Variants in ITCH observed in about 807,000 individuals in gnomAD.
ITCH encodes E3 ubiquitin-protein ligase Itchy homolog.
In ITCH, 28 loss-of-function variants were observed where a neutral mutation model predicts 126.8. The observed-to-expected ratio is 0.22, with a 90% CI of 0.16 to 0.30. The LOEUF (loss-of-function observed/expected upper bound fraction) is 0.30. Among genes scored for constraint, ITCH ranks in the 10% least tolerant of loss-of-function variants. The probability of loss-of-function intolerance (pLI) is 1.00; values close to 1 mark genes in which losing one functional copy is unlikely to be tolerated. For missense variants in ITCH, 631 were observed against 1,032.4 expected, an observed-to-expected ratio of 0.61 and a Z score of 5.33; for synonymous variants, 342 against 340.0, an observed-to-expected ratio of 1.01 and a Z score of -0.06.
intron 2 of ITCH, among the ~76,000 whole-genome samples, chr20:34,387,460 G>A (rs747746126): frequency 3.3e-5 from 5 of 152,020 alleles, no homozygotes; most frequent in Non-Finnish European, 5.9e-5. Context: ...GTGAGACCCT[G>A]TCTCTATCTC....
intron 16 of ITCH, among the ~76,000 whole-genome samples, chr20:34,471,756 T>C (rs1024348612): frequency 3.4e-5 from 5 of 147,052 alleles, no homozygotes; most frequent in Non-Finnish European, 7.5e-5. Flanking sequence ...TTGAAATAAA[T>C]GCATAGGTAA....
chr20:34,485,892 T>G (rs1263626833), intron 20 of ITCH, among the ~76,000 whole-genome samples: 1 of 152,238 alleles, frequency 6.6e-6, no homozygotes, highest in Non-Finnish European at 1.5e-5. Flanking sequence ...GGTCTTGCTA[T>G]TTTGCACAGG....
At chr20:34,475,973 T>A in intron 16 of ITCH, 1 of 1,600,528 alleles carries the variant, frequency 6.2e-7, no homozygotes, top group East Asian at 2.2e-5. Flanking sequence ...AGCCACTGTT[T>A]CAGGCACTCG....
chr20:34,494,453 TTTTG>T (rs1460288927), intron 23 of ITCH, among the ~76,000 whole-genome samples: 1 of 152,226 alleles, frequency 6.6e-6, no homozygotes, highest in Non-Finnish European at 1.5e-5. Context: ...ATCTAGTTTA[TTTTG>T]TTTGTTTTAG....
chr20:34,485,679 T>C (rs1989051902), intron 20 of ITCH, among the ~76,000 whole-genome samples: 1 of 151,824 alleles, frequency 6.6e-6, no homozygotes, highest in Non-Finnish European at 1.5e-5. Context: ...TTTCTTACGA[T>C]ACGTCTAGAT....
intron 12 of ITCH, chr20:34,450,818 A>T (rs1354756811): frequency 6.6e-6 from 1 of 152,238 alleles, no homozygotes; most frequent in Non-Finnish European, 1.5e-5. Context: ...TGTCAAGATC[A>T]CATGAGTCTG....
intron 16 of ITCH, among the ~76,000 whole-genome samples, chr20:34,471,947 T>C (rs776171991): frequency 6.6e-6 from 1 of 152,208 alleles, no homozygotes; most frequent in Non-Finnish European, 1.5e-5. Flanking sequence ...ACTTCAGTAT[T>C]ACTTGGATTT....
chr20:34,472,938 A>C (rs756426613), intron 16 of ITCH, among the ~76,000 whole-genome samples: 5 of 152,190 alleles, frequency 3.3e-5, no homozygotes, highest in African/African-American at 1.2e-4. Context: ...TCTTGAAGCA[A>C]CTTGCTTACC....
chr20:34,444,977 A>G (rs562188979), intron 10 of ITCH, among the ~76,000 whole-genome samples: 2 of 152,284 alleles, frequency 1.3e-5, no homozygotes, highest in South Asian at 2.1e-4. Flanking sequence ...CCAAAGCTAT[A>G]TATTTAATTT....
rs575138779 is a variant in ITCH at position 34,421,394 on chromosome 20, C to T, written c.476-3086C>T. On this transcript the variant is annotated intron_variant, in intron 6 of 24. Transcript: ENST00000374864. ...GTGGTGGGAGGGCAGGTCATTTTGACGAGCTTACTGAGTAGAAGAGATCTT... is the reference window on the plus strand; with the variant it reads ...GTGGTGGGAGGGCAGGTCATTTTGATGAGCTTACTGAGTAGAAGAGATCTT... Among the ~76,000 whole-genome samples the T allele has an allele frequency of 3.3e-5, 5 of 152,286 alleles. No individual in the cohort carries two copies. The South Asian group carries it at 8.3e-4, about 25-fold the overall frequency.
chr20:34,363,930 G>A (rs2037303994), intron 1 of ITCH, among the ~76,000 whole-genome samples: 1 of 152,272 alleles, frequency 6.6e-6, no homozygotes, highest in Admixed American at 6.5e-5. Context: ...CGCCCTCCCC[G>A]ACGTCCGCCA....
Position 34,413,776 on chromosome 20 carries a change from T to C in ITCH, c.372T>C (p.Gly124=). The C allele has an allele frequency of 6.2e-7, 1 of 1,612,360 alleles. No homozygotes were observed. Residue 124 remains glycine, a synonymous_variant, in exon 6 of 25, where the codon GGT becomes GGC. Coordinates refer to ENST00000374864, the MANE Select transcript of ITCH (RefSeq NM_031483.7). ...EEVVVTLQLG[G]DKEPTETIGD... is the part of the protein sequence containing the mutation. Reference sequence around the variant, plus strand: ...TAGTTGTGACTTTGCAGCTTGGAGGTGACAAAGAGCCAACAGAGACAATAG... The same window carrying C: ...TAGTTGTGACTTTGCAGCTTGGAGGCGACAAAGAGCCAACAGAGACAATAG...
At chr20:34,372,908 C>G (rs2037695071) in intron 2 of ITCH, among the ~76,000 whole-genome samples, 1 of 151,510 alleles carries the variant, frequency 6.6e-6, no homozygotes, top group Non-Finnish European at 1.5e-5. Flanking sequence ...ACAAGAGTTT[C>G]ATTGCATTGC....
intron 7 of ITCH, among the ~76,000 whole-genome samples, chr20:34,432,507 T>C (rs1447682192): frequency 6.6e-6 from 1 of 152,210 alleles, no homozygotes; most frequent in Non-Finnish European, 1.5e-5. Context: ...ATATGAAATA[T>C]TGTTCATCTT....
chr20:34,487,728 C>G (rs1243117228), intron 20 of ITCH, among the ~76,000 whole-genome samples: 2 of 152,238 alleles, frequency 1.3e-5, no homozygotes, highest in Non-Finnish European at 2.9e-5. Flanking sequence ...TGCCTGAGGT[C>G]AGGAGTTCGA....
chr20:34,403,413 A>C (rs1369304413), intron 3 of ITCH, among the ~76,000 whole-genome samples: 1 of 152,176 alleles, frequency 6.6e-6, no homozygotes, highest in Non-Finnish European at 1.5e-5. Context: ...TGAGAGAGAG[A>C]GAGCACATGC....
intron 20 of ITCH, among the ~76,000 whole-genome samples, chr20:34,483,118 A>G (rs1988873692): frequency 7.0e-6 from 1 of 143,338 alleles, no homozygotes; most frequent in Non-Finnish European, 1.5e-5. Flanking sequence ...GGCCCGGCCC[A>G]TGAAACCATT....
chr20:34,435,502 G>C (rs1982899002), intron 7 of ITCH, among the ~76,000 whole-genome samples: 1 of 152,032 alleles, frequency 6.6e-6, no homozygotes, highest in Non-Finnish European at 1.5e-5. Context: ...GGAGAAAAGA[G>C]TTTTTGTCTT....
intron 6 of ITCH, among the ~76,000 whole-genome samples, chr20:34,419,432 T>C (rs1980436531): frequency 6.6e-6 from 1 of 152,152 alleles, no homozygotes; most frequent in South Asian, 2.1e-4. Context: ...ATGTGTGATA[T>C]ATAAGCATTA....
Sources: allele counts gnomAD v4.1 joint callset (sites outside exome capture counted in the v4.1 genomes callset), GRCh38; gene constraint gnomAD v4.1.1; transcripts MANE v1.5; gene names NCBI Gene and HGNC (gene_info 2026-07-23, HGNC 2026-07-21).